The following WASF3 variants were observed in gnomAD, a reference collection of about 807,000 sequenced individuals.
The protein encoded by WASF3 is actin-binding protein WASF3.
Under a neutral mutation model 46.6 loss-of-function variants are expected in WASF3, and 11 were observed. That is an observed-to-expected ratio of 0.24 (90% CI 0.15 to 0.39). WASF3 has a LOEUF of 0.39. Ranked by LOEUF, WASF3 falls within the 10% of genes least tolerant of loss-of-function variation. WASF3 has a pLI of 1.00. For missense variants in WASF3, 576 were observed against 669.8 expected, an observed-to-expected ratio of 0.86 and a Z score of 1.55; for synonymous variants, 242 against 259.7, an observed-to-expected ratio of 0.93 and a Z score of 0.65.
intron 1 of WASF3, among the ~76,000 whole-genome samples, chr13:26,590,930 A>G (rs9512277): frequency 0.16 from 24,053 of 152,212 alleles, 2,408 homozygotes; most frequent in South Asian, 0.26. Context: ...AATCATTTAA[A>G]AAGGGTAAGG....
intron 5 of WASF3, among the ~76,000 whole-genome samples, chr13:26,669,675 G>A (rs551962491): frequency 3.2e-4 from 48 of 152,194 alleles, no homozygotes; most frequent in African/African-American, 1.1e-3. Flanking sequence ...CACCAAGCCT[G>A]GCTAATTTTT....
intron 1 of WASF3, among the ~76,000 whole-genome samples, chr13:26,609,108 A>G (rs917830058): frequency 4.6e-5 from 7 of 152,218 alleles, no homozygotes; most frequent in African/African-American, 1.2e-4. Flanking sequence ...GATTAGGATA[A>G]TATTGATAGA....
the WASF3 span, among the ~76,000 whole-genome samples, chr13:26,542,680 C>T: frequency 5.9e-5 from 9 of 152,282 alleles, no homozygotes; most frequent in Non-Finnish European, 1.0e-4. Context: ...ATATGTTAGC[C>T]ACATACATTG....
intron 1 of WASF3, among the ~76,000 whole-genome samples, chr13:26,579,572 A>G (rs1477735880): frequency 6.6e-6 from 1 of 152,120 alleles, no homozygotes; most frequent in Admixed American, 6.5e-5. Flanking sequence ...TCTCATCTAC[A>G]TTGTCACTTT....
intron 1 of WASF3, among the ~76,000 whole-genome samples, chr13:26,575,491 G>C (rs1432784052): frequency 6.6e-6 from 1 of 152,180 alleles, no homozygotes; most frequent in Non-Finnish European, 1.5e-5. Flanking sequence ...TGTCTCTCCT[G>C]TGCATCTAGG....
intron 1 of WASF3, among the ~76,000 whole-genome samples, chr13:26,567,781 G>T (rs1412940363): frequency 6.6e-6 from 1 of 151,854 alleles, no homozygotes; most frequent in African/African-American, 2.4e-5. Flanking sequence ...CAGCCTATGT[G>T]TATGTGTGTG....
At chr13:26,621,183 G>A (rs1225600498) in intron 2 of WASF3, among the ~76,000 whole-genome samples, 5 of 152,140 alleles carry the variant, frequency 3.3e-5, no homozygotes, top group African/African-American at 1.2e-4. Flanking sequence ...TTAATGTAGT[G>A]CTTATCACAC....
rs780605060 is a variant in WASF3, at chr13:26,676,699, G to A, written c.691G>A (p.Glu231Lys). 9.3e-6 allele frequency: 15 copies of A among 1,613,948 alleles called. No homozygotes were observed. In the Admixed American group the frequency reaches 1.2e-4, roughly 13 times the overall value. Reference protein sequence around the residue: ...SQSVYHGASSEGSLSPDTRSH... With the variant: ...SQSVYHGASSKGSLSPDTRSH... ...GAGTGTGTACCATGGAGCGTCTTCCGAGGGATCCCTGTCCCCAGATACTAG... is the reference window on the plus strand; with the variant it reads ...GAGTGTGTACCATGGAGCGTCTTCCAAGGGATCCCTGTCCCCAGATACTAG... The change falls in exon 7 of 10, where the codon GAG (glutamate) becomes AAG (lysine). Residue 231 changes from glutamate (E) to lysine (K), a missense_variant. Transcript: ENST00000335327.
At chr13:26,669,525 TG>T (rs1882869859) in intron 5 of WASF3, among the ~76,000 whole-genome samples, 1 of 144,890 alleles carries the variant, frequency 6.9e-6, no homozygotes, top group South Asian at 2.2e-4. Context: ...TTTTTTTTTT[TG>T]AGACGAAGTT....
intron 9 of WASF3, among the ~76,000 whole-genome samples, chr13:26,685,170 TTA>T (rs1345844584): frequency 6.6e-6 from 1 of 152,226 alleles, no homozygotes; most frequent in Non-Finnish European, 1.5e-5. Context: ...TGATTGTATT[TTA>T]TGTTTGTTTC....
intron 1 of WASF3, among the ~76,000 whole-genome samples, chr13:26,588,829 A>T (rs1050640054): frequency 7.9e-5 from 12 of 151,756 alleles, no homozygotes; most frequent in African/African-American, 2.9e-4. Flanking sequence ...AGACAGTCTC[A>T]CTCTGTCACC....
intron 2 of WASF3, among the ~76,000 whole-genome samples, chr13:26,636,063 T>C (rs584756): frequency 0.013 from 2,035 of 152,366 alleles, 49 homozygotes; most frequent in African/African-American, 0.045. Context: ...ACAGGGACTT[T>C]TAAGTCTGCA....
In WASF3 at chr13:26,681,171, A is replaced by T. The variant is rs768018160; in HGVS notation, c.834A>T (p.Ala278=). 6.2e-7 allele frequency: 1 copy of T among 1,614,120 alleles called. No individual in the cohort carries two copies. The highest frequency in any genetic ancestry group is 8.5e-7 in the Non-Finnish European group (1 of 1,180,002). Reference sequence around the variant, plus strand: ...GTGACGTGCCACCACACGGGCCTGCAAGCCAGGCTGCGGAGCATGAGTACC... The same window carrying T: ...GTGACGTGCCACCACACGGGCCTGCTAGCCAGGCTGCGGAGCATGAGTACC... The part of the protein sequence containing the change: ...AAGDVPPHGP[A]SQAAEHEYRP... Residue 278 remains alanine (A), a synonymous_variant, in exon 8 of 10, where the codon GCA becomes GCT. Transcript: ENST00000335327.
At chr13:26,540,492 C>A in the WASF3 span, among the ~76,000 whole-genome samples, 2 of 152,236 alleles carry the variant, frequency 1.3e-5, no homozygotes, top group African/African-American at 4.8e-5. Flanking sequence ...TCTCTGGACT[C>A]CCTAGGGTGG....
At chr13:26,543,687 C>A in the WASF3 span, among the ~76,000 whole-genome samples, 1 of 152,030 alleles carries the variant, frequency 6.6e-6, no homozygotes, top group African/African-American at 2.4e-5. Context: ...CTCATGGCCA[C>A]GTGTCTGTAG....
chr13:26,622,111 T>C (rs953623209), intron 2 of WASF3, among the ~76,000 whole-genome samples: 2 of 152,202 alleles, frequency 1.3e-5, no homozygotes, highest in Non-Finnish European at 2.9e-5. Context: ...GTGTGTATAA[T>C]ATAGTCTGTG....
chr13:26,620,568 T>C (rs1881275144), intron 2 of WASF3: 1 of 152,178 alleles, frequency 6.6e-6, no homozygotes, highest in Admixed American at 6.6e-5. Flanking sequence ...CCCTTTACCC[T>C]GTCCATGGCT....
intron 6 of WASF3, among the ~76,000 whole-genome samples, chr13:26,674,181 G>A (rs1318570072): frequency 6.6e-6 from 1 of 152,150 alleles, no homozygotes; most frequent in Non-Finnish European, 1.5e-5. Flanking sequence ...ATGTTGATAG[G>A]TAGATTTGGA....
At chr13:26,572,733 A>G (rs1879676809) in intron 1 of WASF3, among the ~76,000 whole-genome samples, 1 of 152,140 alleles carries the variant, frequency 6.6e-6, no homozygotes, top group Non-Finnish European at 1.5e-5. Context: ...TTGTATTTTT[A>G]GTAGAGATGG....
Sources: allele counts gnomAD v4.1 joint callset (sites outside exome capture counted in the v4.1 genomes callset), GRCh38; gene constraint gnomAD v4.1.1; transcripts MANE v1.5; gene names NCBI Gene and HGNC (gene_info 2026-07-23, HGNC 2026-07-21).